TARS1: variants seen among roughly 807,000 people sequenced by gnomAD.
The protein encoded by TARS1 is threonine--tRNA ligase 1, cytoplasmic.
TARS1 carries 57 observed loss-of-function variants against 97.7 expected under a neutral mutation model. That is an observed-to-expected ratio of 0.58 (90% confidence interval 0.47 to 0.73). TARS1 has a LOEUF of 0.73. TARS1 is among the 30% of genes least tolerant of loss of function. The probability of loss-of-function intolerance (pLI) is 0.00; values close to 1 mark genes in which losing one functional copy is unlikely to be tolerated. For missense variants in TARS1, 806 were observed against 888.3 expected, an observed-to-expected ratio of 0.91 and a Z score of 1.18; for synonymous variants, 312 against 293.7, an observed-to-expected ratio of 1.06 and a Z score of -0.64.
intron 17 of TARS1, among the ~76,000 whole-genome samples, chr5:33,464,931 T>G (rs1004915685): frequency 6.7e-6 from 1 of 150,254 alleles, no homozygotes; most frequent in Non-Finnish European, 1.5e-5. Context: ...CTGGGCGCAG[T>G]GGCGGGCACC....
rs1224812291 is a variant in TARS1, at chr5:33,455,567, T to G, written c.576-20T>G. The G allele has an allele frequency of 1.3e-6, 2 of 1,499,764 alleles. No homozygotes were observed. Among genetic ancestry groups the G allele is most frequent in the East Asian group, 2.3e-5 (1 of 44,160 alleles). The allele number at this position is 1,499,764 out of a possible 1,614,324, so 92.9% of individuals were successfully genotyped here. A position where few individuals can be genotyped will look rare whatever the true frequency, so the allele number is the denominator to read the frequency against. Reference sequence around the variant, plus strand: ...TGTGATTCGAATGGAATGAAAAGATTATACTTTCTTCTCCTTCAGGGGTGT... The same window carrying G: ...TGTGATTCGAATGGAATGAAAAGATGATACTTTCTTCTCCTTCAGGGGTGT... On this transcript the variant is annotated intron_variant, in intron 5 of 18. Transcript: ENST00000265112.
chr5:33,455,803 A>G (rs1741985820), intron 6 of TARS1, 99 bp downstream of exon 6: 8 of 1,026,794 alleles, frequency 7.8e-6, no homozygotes, highest in Non-Finnish European at 1.0e-5. Context: ...GCTGAAGTCT[A>G]ATTGGTTCTT....
In TARS1 at chr5:33,441,172, C is replaced by G. The variant is rs199787685; in HGVS notation, c.57+29C>G. 1.0e-4 allele frequency: 169 copies of G among 1,613,662 alleles called. No individual in the cohort carries two copies. The African/African-American group carries it at 1.9e-3, about 18-fold the overall frequency. On this transcript the variant is annotated intron_variant, in intron 1 of 18. Coordinates refer to ENST00000265112, the MANE Select transcript of TARS1 (RefSeq NM_152295.5). Reference sequence around the variant, plus strand: ...AGCAAACTTGGTGGGACCCAGAGACCAGCCTGGGACTCTAGTGGGTGCAGA... The same window carrying G: ...AGCAAACTTGGTGGGACCCAGAGACGAGCCTGGGACTCTAGTGGGTGCAGA...
intron 16 of TARS1, 101 bp downstream of exon 16, chr5:33,462,304 C>A: frequency 9.2e-7 from 1 of 1,087,394 alleles, no homozygotes; most frequent in Non-Finnish European, 1.4e-6. Context: ...AGAATGATTC[C>A]AATCGGTTGC....
chr5:33,460,884 T>A lies in TARS1; in HGVS notation c.1251-18T>A, dbSNP rs1413059530. 1.2e-6 allele frequency: 2 copies of A among 1,613,304 alleles called. No homozygotes were observed. The highest frequency in any genetic ancestry group is 1.3e-5 in the African/African-American group (1 of 74,806). ...GTTTTATTCTTAAGTGTCCGTGGAC[T>A]TTTCTTTTTCTCTTCAGCCTTATGT... is the stretch of plus-strand genomic sequence containing the variant. On this transcript the variant is annotated intron_variant, in intron 11 of 18. Coordinates refer to ENST00000265112, the MANE Select transcript of TARS1 (RefSeq NM_152295.5).
rs1057467776 is a variant in TARS1, at chr5:33,461,041, C to T, written c.1390C>T (p.His464Tyr). 2 of 1,614,120 alleles carry T rather than the reference C, an allele frequency of 1.2e-6. No homozygotes were observed. Among genetic ancestry groups the T allele is most frequent in the East Asian group, 2.2e-5 (1 of 44,876 alleles). ...ACGAAGATTCCAACAGGATGATGCT[C>T]ACATATTCTGTGCCATGGAGCAGGT... ...RVRRFQQDDA[H>Y]IFCAMEQIED... is the part of the protein sequence containing the mutation. The change falls in exon 12 of 19, where the codon CAC becomes TAC. Residue 464 changes from histidine (H) to tyrosine (Y), a missense_variant. Physicochemically the swap from His to Tyr is moderately conservative, Grantham distance 83 (BLOSUM62 2). Around this residue, in one of 3 missense-constraint regions of TARS1, gnomAD observed 446 missense variants for 511.0 expected, o/e 0.87. Transcript: ENST00000265112.
intron 3 of TARS1, chr5:33,452,500 C>A: frequency 7.9e-7 from 1 of 1,272,322 alleles, no homozygotes; most frequent in South Asian, 1.3e-5. Flanking sequence ...TTTCCCTCCT[C>A]AGAACTCCTG....
chr5:33,453,708 A>C (rs775856227), intron 4 of TARS1, among the ~76,000 whole-genome samples: 5 of 151,490 alleles, frequency 3.3e-5, no homozygotes, highest in Non-Finnish European at 7.4e-5. Flanking sequence ...AACTGTGAAC[A>C]CTATTTTATT....
intron 3 of TARS1, among the ~76,000 whole-genome samples, chr5:33,451,678 G>GT (rs1368424994): frequency 6.6e-6 from 1 of 152,124 alleles, no homozygotes; most frequent in African/African-American, 2.4e-5. Context: ...TGGCCGTTTT[G>GT]TTACAAATCT....
intron 1 of TARS1, among the ~76,000 whole-genome samples, chr5:33,443,341 C>CTCTCTCTCTCTCTCTCTCTT (rs1741230677): frequency 1.3e-4 from 19 of 150,548 alleles, no homozygotes; most frequent in African/African-American, 4.7e-4. Context: ...CTCTCTCTCT[C>CTCTCTCTCTCTCTCTCTCTT]TCTCTCTCTC....
Position 33,452,967 on chromosome 5 carries a change from A to G in TARS1, c.330-322A>G, listed in dbSNP as rs1741818597. 2.6e-5 allele frequency among the ~76,000 whole-genome samples: 4 copies of G among 152,220 alleles called. No homozygotes were observed. The South Asian group carries it at 8.3e-4, about 32-fold the overall frequency. ...CCCTGTCGCTAAAAAATTAAAAAAA[A>G]AAAAACTTATTTGTTGGAGAAATTA... On this transcript the variant is annotated intron_variant, in intron 3 of 18. Coordinates refer to ENST00000265112, the MANE Select transcript of TARS1 (RefSeq NM_152295.5).
intron 3 of TARS1, among the ~76,000 whole-genome samples, chr5:33,450,506 T>TA (rs1296584499): frequency 6.6e-6 from 1 of 152,234 alleles, no homozygotes; most frequent in Non-Finnish European, 1.5e-5. Context: ...TGCTTCTACC[T>TA]ACAAGTTCTT....
chr5:33,446,158 G>A (rs985120832), intron 2 of TARS1: 1 of 160,596 alleles, frequency 6.2e-6, no homozygotes, highest in Non-Finnish European at 1.4e-5. Context: ...ACAGTAAGCT[G>A]GCTTTTAAGA....
chr5:33,467,200 C>G (rs1742568163), intron 18 of TARS1, among the ~76,000 whole-genome samples: 1 of 147,860 alleles, frequency 6.8e-6, no homozygotes, highest in Non-Finnish European at 1.5e-5. Flanking sequence ...TCATGGATGT[C>G]TGTGAGAAAA....
chr5:33,459,605 G>T, intron 10 of TARS1, 90 bp from the exon 11 acceptor site: 1 of 1,421,674 alleles, frequency 7.0e-7, no homozygotes, highest in South Asian at 1.3e-5. Context: ...TTTTTCATGA[G>T]AGAGTATAAA....
chr5:33,444,538 A>G (rs192303902), intron 1 of TARS1, among the ~76,000 whole-genome samples: 1 of 152,352 alleles, frequency 6.6e-6, no homozygotes, highest in Admixed American at 6.5e-5. Context: ...TTCTAATTGA[A>G]GTCTGTATTC....
Position 33,457,380 on chromosome 5 carries a change from C to T in TARS1, c.961C>T (p.Arg321Ter), listed in dbSNP as rs202065614. Reference sequence around the variant, plus strand: ...GAAGTTCCAAGAGGAAGCTAAAAACCGAGATCATAGGAAAATTGGCAGGGT... The same window carrying T: ...GAAGTTCCAAGAGGAAGCTAAAAACTGAGATCATAGGAAAATTGGCAGGGT... The part of the protein sequence containing the change: ...WEKFQEEAKN[R>*]DHRKIGRDQE... Residue 321 changes from arginine (R) to a stop codon, truncating the protein, a stop_gained, in exon 9 of 19, where the codon CGA becomes TGA. Coordinates refer to ENST00000265112, the MANE Select transcript of TARS1 (RefSeq NM_152295.5). LOFTEE classifies it high-confidence loss of function. 9 of 1,613,800 alleles carry T rather than the reference C, an allele frequency of 5.6e-6. No individual in the cohort carries two copies. Among genetic ancestry groups the T allele is most frequent in the Admixed American group, 1.7e-5 (1 of 60,004 alleles).
At chr5:33,447,932 C>A (rs1425291457) in intron 2 of TARS1, among the ~76,000 whole-genome samples, 1 of 152,126 alleles carries the variant, frequency 6.6e-6, no homozygotes, top group East Asian at 1.9e-4. Context: ...TCTTTCTTTG[C>A]CAAACCTCTA....
chr5:33,461,321 T>G, intron 13 of TARS1, 26 bp downstream of exon 13: 1 of 1,600,144 alleles, frequency 6.2e-7, no homozygotes, highest in East Asian at 2.2e-5. Flanking sequence ...CAGCGTGCTT[T>G]TGAATACTGT....
Sources: gnomAD v4.1 joint callset for allele counts (sites outside exome capture counted in the v4.1 genomes callset) on GRCh38, gnomAD v4.1.1 for gene constraint, gnomAD v4.1.1 regional missense constraint, MANE v1.5 for transcripts, NCBI Gene and HGNC (gene_info 2026-07-23, HGNC 2026-07-21) for gene names.